KCND2: variants seen among roughly 807,000 people sequenced by gnomAD.
The protein encoded by KCND2 is potassium voltage-gated channel subfamily D member 2.
A neutral mutation model predicts 54.4 loss-of-function variants in KCND2; 16 were observed. That is an observed-to-expected ratio of 0.29 (90% CI 0.20 to 0.45). KCND2 has a LOEUF of 0.45. Among genes scored for constraint, KCND2 ranks in the 20% least tolerant of loss-of-function variants. KCND2 has a pLI of 1.00. For synonymous variants in KCND2, 317 were observed against 310.7 expected (o/e 1.02, Z -0.21); for missense variants, 486 against 824.2 (o/e 0.59, Z 5.02).
In KCND2 at chr7:120,474,359, C is replaced by T. The variant is rs781509188; in HGVS notation, c.1115+198612C>T. On this transcript the variant is annotated intron_variant, in intron 1 of 5. Coordinates refer to ENST00000331113, the MANE Select transcript of KCND2 (RefSeq NM_012281.3). ...TTTTGTTGTTGTTGTTGTTTTGAGA[C>T]GGAGTTTTGCTCTTGTGGCCCAGGC... Among the ~76,000 whole-genome samples, 11 of 151,946 alleles carry T rather than the reference C, an allele frequency of 7.2e-5. No homozygotes were observed. The South Asian group carries it at 1.0e-3, about 14-fold the overall frequency.
At chr7:120,314,135 T>A (rs1171277628) in intron 1 of KCND2, among the ~76,000 whole-genome samples, 1 of 152,000 alleles carries the variant, frequency 6.6e-6, no homozygotes, top group African/African-American at 2.4e-5. Flanking sequence ...TACTAGGGTT[T>A]AAAAAATCAA....
chr7:120,427,367 C>G (rs1428945745), intron 1 of KCND2, among the ~76,000 whole-genome samples: 1 of 152,172 alleles, frequency 6.6e-6, no homozygotes, highest in Non-Finnish European at 1.5e-5. Context: ...CTGCACTGTA[C>G]CATTCAAATA....
At chr7:120,702,487 A>G (rs1424465458) in intron 1 of KCND2, among the ~76,000 whole-genome samples, 2 of 152,200 alleles carry the variant, frequency 1.3e-5, no homozygotes, top group Non-Finnish European at 2.9e-5. Flanking sequence ...AGACACATGC[A>G]CGTGAATGTT....
intron 1 of KCND2, among the ~76,000 whole-genome samples, chr7:120,605,100 C>T (rs898165843): frequency 7.2e-5 from 11 of 152,286 alleles, no homozygotes; most frequent in African/African-American, 2.6e-4. Flanking sequence ...AAAGGGGTTA[C>T]TTTGACCCCC....
rs191867626 is a variant in KCND2 at position 120,582,514 on chromosome 7, G to A, written c.1116-150389G>A. 8.6e-5 allele frequency among the ~76,000 whole-genome samples: 13 copies of A among 152,006 alleles called. No individual in the cohort carries two copies. The East Asian group carries it at 2.1e-3, about 25-fold the overall frequency. On this transcript the variant is annotated intron_variant, in intron 1 of 5. Transcript: ENST00000331113. ...CCTGCTGTGTTTTCTACTATTGGCC[G>A]CTTTCTGCTCACACCACACCTTAGA... is the stretch of plus-strand genomic sequence containing the variant.
chr7:120,743,881 C>T (rs1211874779), intron 4 of KCND2, among the ~76,000 whole-genome samples: 1 of 152,188 alleles, frequency 6.6e-6, no homozygotes, highest in Non-Finnish European at 1.5e-5. Flanking sequence ...AAGGTAGTAA[C>T]ATGATTATAC....
rs3067141 is a variant in KCND2 at position 120,678,343 on chromosome 7, T to TTATATATA, written c.1116-54537_1116-54530dup. Among the ~76,000 whole-genome samples the TTATATATA allele has an allele frequency of 7.7e-3, 928 of 120,212 alleles. 4 individuals carry two copies. Among genetic ancestry groups the TTATATATA allele is most frequent in the African/African-American group, 0.018 (573 of 31,732 alleles). The allele number at this position is 120,212 out of a possible 152,430, so 78.9% of individuals were successfully genotyped here. On this transcript the variant is annotated intron_variant, in intron 1 of 5. Coordinates refer to ENST00000331113, the MANE Select transcript of KCND2 (RefSeq NM_012281.3). Reference sequence around the variant, plus strand: ...GCTCTTCTACCGTAGGTATGATTATTTATATATATATATATATATATATAT... The same window carrying TTATATATA: ...GCTCTTCTACCGTAGGTATGATTATTTATATATATATATATATATATATATATATATAT...
intron 1 of KCND2, among the ~76,000 whole-genome samples, chr7:120,714,856 G>A (rs535752500): frequency 6.0e-5 from 9 of 149,140 alleles, no homozygotes; most frequent in East Asian, 2.0e-4. Context: ...GTTGTATCGG[G>A]TATATATATA....
In KCND2 at chr7:120,477,187, G is replaced by C. The variant is rs532787133; in HGVS notation, c.1115+201440G>C. Among the ~76,000 whole-genome samples the C allele has an allele frequency of 2.0e-5, 3 of 152,276 alleles. No individual in the cohort carries two copies. In the South Asian group the frequency reaches 6.2e-4, roughly 32 times the overall value. ...CTGTATGCTTACTATGCACTGAATA[G>C]CTTAGAGTGGCATTCTGAGCTTCAA... On this transcript the variant is annotated intron_variant, in intron 1 of 5. Transcript: ENST00000331113.
intron 4 of KCND2, among the ~76,000 whole-genome samples, chr7:120,743,663 A>G (rs553973763): frequency 2.6e-5 from 4 of 152,244 alleles, no homozygotes; most frequent in African/African-American, 9.6e-5. Context: ...AGAGCAATGA[A>G]GGGGCTAACA....
intron 1 of KCND2, among the ~76,000 whole-genome samples, chr7:120,675,632 C>T (rs928470856): frequency 2.6e-5 from 4 of 152,092 alleles, no homozygotes; most frequent in African/African-American, 9.7e-5. Context: ...GAGAGACTTC[C>T]TGCTTGCTAT....
intron 1 of KCND2, among the ~76,000 whole-genome samples, chr7:120,665,759 A>G (rs531594390): frequency 6.6e-5 from 10 of 152,192 alleles, no homozygotes; most frequent in African/African-American, 2.4e-4. Context: ...ATAATTTTGC[A>G]ATGATCAAAG....
intron 1 of KCND2, among the ~76,000 whole-genome samples, chr7:120,552,746 A>G (rs946776789): frequency 6.6e-6 from 1 of 152,202 alleles, no homozygotes; most frequent in Non-Finnish European, 1.5e-5. Flanking sequence ...GGAGTCCTGC[A>G]TACACCTGCA....
intron 1 of KCND2, among the ~76,000 whole-genome samples, chr7:120,535,691 C>T (rs1460936500): frequency 6.6e-6 from 1 of 152,094 alleles, no homozygotes; most frequent in Admixed American, 6.6e-5. Flanking sequence ...ATTTCTAGTT[C>T]TTATCATTTC....
intron 1 of KCND2, among the ~76,000 whole-genome samples, chr7:120,313,832 A>G (rs1228146808): frequency 6.6e-6 from 1 of 150,626 alleles, no homozygotes; most frequent in Non-Finnish European, 1.5e-5. Context: ...CTACTGTAAG[A>G]CATAAGCCAA....
At chr7:120,577,819 T>G (rs1348852808) in intron 1 of KCND2, among the ~76,000 whole-genome samples, 1 of 152,192 alleles carries the variant, frequency 6.6e-6, no homozygotes, top group Admixed American at 6.5e-5. Context: ...TCTCCTGACC[T>G]CGTGATTCAC....
chr7:120,284,191 T>G (rs1799305367), intron 1 of KCND2, among the ~76,000 whole-genome samples: 1 of 152,086 alleles, frequency 6.6e-6, no homozygotes, highest in African/African-American at 2.4e-5. Flanking sequence ...ATGAAGACAT[T>G]TGCCCTCTAG....
chr7:120,495,023 A>C (rs1249808339), intron 1 of KCND2, among the ~76,000 whole-genome samples: 10 of 152,206 alleles, frequency 6.6e-5, no homozygotes, highest in Non-Finnish European at 1.0e-4. Context: ...ACAAGTAGTT[A>C]TTTAAATTCA....
chr7:120,596,735 T>TA (rs1207253520), intron 1 of KCND2, among the ~76,000 whole-genome samples: 3 of 73,222 alleles, frequency 4.1e-5, no homozygotes, highest in African/African-American at 6.0e-5. Flanking sequence ...ACCATACTGT[T>TA]AGTTCCTGGG....
Sources: allele counts gnomAD v4.1 joint callset (sites outside exome capture counted in the v4.1 genomes callset), GRCh38; gene constraint gnomAD v4.1.1; transcripts MANE v1.5; gene names NCBI Gene and HGNC (gene_info 2026-07-23, HGNC 2026-07-21).